The following PDE6A variants were observed in gnomAD, a reference collection of about 807,000 sequenced individuals.
PDE6A encodes rod cGMP-specific 3',5'-cyclic phosphodiesterase subunit alpha.
In PDE6A, 84 loss-of-function variants were observed where a neutral mutation model predicts 106.3. The ratio of observed to expected loss-of-function variants is 0.79; its 90% CI spans 0.66 to 0.95. The LOEUF (loss-of-function observed/expected upper bound fraction) is 0.95. Among genes scored for constraint, PDE6A ranks in the 40% least tolerant of loss-of-function variants. The probability of loss-of-function intolerance (pLI) is 0.00; values close to 1 mark genes in which losing one functional copy is unlikely to be tolerated. For synonymous variants in PDE6A, 394 were observed against 386.6 expected, an observed-to-expected ratio of 1.02 and a Z score of -0.23; for missense variants, 1,052 against 1,084.9, an observed-to-expected ratio of 0.97 and a Z score of 0.43.
chr5:149,904,285 T>C (rs1753101119), intron 7 of PDE6A, among the ~76,000 whole-genome samples: 1 of 152,182 alleles, frequency 6.6e-6, no homozygotes, highest in Non-Finnish European at 1.5e-5. Context: ...TCTGTTTTGT[T>C]TGGGCAGGTA....
chr5:149,884,384 ATATG>A, intron 16 of PDE6A, 91 bp downstream of exon 16: 1 of 758,370 alleles, frequency 1.3e-6, no homozygotes, highest in Non-Finnish European at 2.3e-6. Flanking sequence ...GTGTGTATAT[ATATG>A]TGTATATATG....
chr5:149,904,868 C>T (rs1176933149), intron 7 of PDE6A, among the ~76,000 whole-genome samples: 1 of 152,096 alleles, frequency 6.6e-6, no homozygotes, highest in East Asian at 1.9e-4. Context: ...GAAATCCTTC[C>T]TGCATCCATC....
At chr5:149,920,943 A>AAAGAAAGAAAGAAAG (rs1753689661) in intron 5 of PDE6A, among the ~76,000 whole-genome samples, 4 of 5,314 alleles carry the variant, frequency 7.5e-4, no homozygotes, top group African/African-American at 2.1e-3. Context: ...AAAGAGAGAA[A>AAAGAAAGAAAGAAAG]AAGAAAGAAA....
At chr5:149,886,174 C>T in intron 14 of PDE6A, 91 bp downstream of exon 14, 1 of 956,760 alleles carries the variant, frequency 1.0e-6, no homozygotes, top group Non-Finnish European at 1.7e-6. Flanking sequence ...GACCACAAGA[C>T]TTCCCTGTTG....
intron 9 of PDE6A, among the ~76,000 whole-genome samples, chr5:149,899,064 G>A: frequency 6.6e-6 from 1 of 152,024 alleles, no homozygotes; most frequent in Non-Finnish European, 1.5e-5. Flanking sequence ...ATAGGATATT[G>A]CCCTGTTGGC....
At chr5:149,876,349 C>CTTTTT (rs896643767) in intron 17 of PDE6A, among the ~76,000 whole-genome samples, 1 of 120,126 alleles carries the variant, frequency 8.3e-6, no homozygotes, top group Non-Finnish European at 1.8e-5. Context: ...CATTTTTCCT[C>CTTTTT]TTTTTTTTTT....
At chr5:149,909,961 T>C (rs58062355) in intron 6 of PDE6A, among the ~76,000 whole-genome samples, 3,544 of 152,320 alleles carry the variant, frequency 0.023, 123 homozygotes, top group African/African-American at 0.079. Flanking sequence ...AATTGGATTA[T>C]TCAAATATTC....
intron 3 of PDE6A, among the ~76,000 whole-genome samples, chr5:149,931,440 A>C (rs1294266209): frequency 6.6e-6 from 1 of 152,156 alleles, no homozygotes; most frequent in Non-Finnish European, 1.5e-5. Flanking sequence ...TTCACACATG[A>C]ACTGAGTAAA....
At chr5:149,938,378 A>G (rs1449519498) in intron 1 of PDE6A, among the ~76,000 whole-genome samples, 2 of 152,164 alleles carry the variant, frequency 1.3e-5, no homozygotes, top group Non-Finnish European at 2.9e-5. Flanking sequence ...TCTACAAATG[A>G]CGGTCATCTC....
intron 7 of PDE6A, among the ~76,000 whole-genome samples, chr5:149,906,095 T>A (rs548275876): frequency 6.6e-6 from 1 of 151,930 alleles, no homozygotes; most frequent in Non-Finnish European, 1.5e-5. Context: ...TGGGCTCAAG[T>A]GATCCTCCTG....
chr5:149,912,310 C>T (rs1320422280), intron 6 of PDE6A, among the ~76,000 whole-genome samples: 11 of 152,130 alleles, frequency 7.2e-5, no homozygotes, highest in Admixed American at 3.3e-4. Context: ...TTTTATTTTG[C>T]CTTCCTTTGG....
chr5:149,915,276 T>C (rs1753517603), intron 5 of PDE6A, among the ~76,000 whole-genome samples: 1 of 152,128 alleles, frequency 6.6e-6, no homozygotes, highest in South Asian at 2.1e-4. Flanking sequence ...CCCGAAGTGC[T>C]GGGATTACAG....
intron 17 of PDE6A, among the ~76,000 whole-genome samples, chr5:149,877,303 T>C (rs1257642963): frequency 1.3e-5 from 2 of 152,074 alleles, no homozygotes; most frequent in Non-Finnish European, 2.9e-5. Context: ...ATAGTCTGGG[T>C]CCAGTGGTTC....
intron 1 of PDE6A, among the ~76,000 whole-genome samples, chr5:149,942,164 T>TG (rs1754343893): frequency 6.6e-6 from 1 of 152,140 alleles, no homozygotes; most frequent in African/African-American, 2.4e-5. Flanking sequence ...GACCTCCCTG[T>TG]GTTGCCCAGC....
chr5:149,858,311 C>T lies in PDE6A; in HGVS notation c.*2584G>A, dbSNP rs1330623737. On this transcript the variant is annotated 3_prime_UTR_variant, in exon 22 of 22. Transcript: ENST00000255266. ...GAAGGAAAAAAAATCAAGATTTGGA[C>T]AAGTGTAACAAATTGACTTGCAAAT... 1 of 152,108 alleles carries T rather than the reference C, an allele frequency of 6.6e-6. No homozygotes were observed. The highest frequency in any genetic ancestry group is 6.6e-5 in the Admixed American group (1 of 15,262). The allele number at this position is 152,108 out of a possible 1,614,324, so 9.4% of individuals were successfully genotyped here.
chr5:149,917,898 C>T (rs982196384), intron 5 of PDE6A, among the ~76,000 whole-genome samples: 2 of 152,134 alleles, frequency 1.3e-5, no homozygotes, highest in Non-Finnish European at 2.9e-5. Flanking sequence ...GAATCAGGGC[C>T]GGGTATATAG....
chr5:149,943,052 G>A (rs751824034), intron 1 of PDE6A, among the ~76,000 whole-genome samples: 1 of 151,900 alleles, frequency 6.6e-6, no homozygotes, highest in African/African-American at 2.4e-5. Context: ...TACGGGTGTT[G>A]GGCTGGGGGA....
chr5:149,877,160 T>C (rs1760771546), intron 17 of PDE6A, among the ~76,000 whole-genome samples: 1 of 152,134 alleles, frequency 6.6e-6, no homozygotes, highest in African/African-American at 2.4e-5. Flanking sequence ...AAGTAAGATA[T>C]TTAAATGAAA....
At chr5:149,869,329 C>CAAA (rs11316552) in intron 17 of PDE6A, among the ~76,000 whole-genome samples, 15 of 91,388 alleles carry the variant, frequency 1.6e-4, no homozygotes, top group African/African-American at 4.9e-4. Context: ...GACTCCATAT[C>CAAA]AAAAAAAAAA....
Sources: allele counts gnomAD v4.1 joint callset (sites outside exome capture counted in the v4.1 genomes callset), GRCh38; gene constraint gnomAD v4.1.1; transcripts MANE v1.5; gene names NCBI Gene and HGNC (gene_info 2026-07-23, HGNC 2026-07-21).